The following COPS4 variants were observed in gnomAD, a reference collection of about 807,000 sequenced individuals.
The protein encoded by COPS4 is COP9 signalosome complex subunit 4.
COPS4 carries 8 observed loss-of-function variants against 55.1 expected under a neutral mutation model. The ratio of observed to expected loss-of-function variants is 0.15; its 90% CI spans 0.09 to 0.26. COPS4 has a LOEUF of 0.26. Ranked by LOEUF, COPS4 falls within the 10% of genes least tolerant of loss-of-function variation. COPS4 has a pLI of 1.00. For synonymous variants in COPS4, 185 were observed against 165.7 expected, an observed-to-expected ratio of 1.12 and a Z score of -0.90; for missense variants, 248 against 484.0, an observed-to-expected ratio of 0.51 and a Z score of 4.58.
At chr4:83,059,926 C>T (rs1010489241) in intron 6 of COPS4, among the ~76,000 whole-genome samples, 1 of 152,038 alleles carries the variant, frequency 6.6e-6, no homozygotes, top group Non-Finnish European at 1.5e-5. Flanking sequence ...TGGTCTCGAT[C>T]TCCTGACCTT....
rs554676483 is a variant in COPS4 at position 83,066,877 on chromosome 4, C to T, written c.1002+324C>T. Among the ~76,000 whole-genome samples, 57 of 152,232 alleles carry T rather than the reference C, an allele frequency of 3.7e-4. 1 individual carries two copies. Among genetic ancestry groups the T allele is most frequent in the African/African-American group, 1.3e-3 (56 of 41,538 alleles). Reference sequence around the variant, plus strand: ...TTCTGAGAATGTCTTTGTTTGGTGTCTGTTTAAATCCAACAAAGTACCAAT... The same window carrying T: ...TTCTGAGAATGTCTTTGTTTGGTGTTTGTTTAAATCCAACAAAGTACCAAT... On this transcript the variant is annotated intron_variant, in intron 8 of 9. Coordinates refer to ENST00000264389, the MANE Select transcript of COPS4 (RefSeq NM_016129.3).
In COPS4 at chr4:83,053,360, A is replaced by G. The variant is rs1167599963; in HGVS notation, c.410+3376A>G. On this transcript the variant is annotated intron_variant, in intron 4 of 9. Transcript: ENST00000264389. ...AGAGGGACAAGGGAGATGAGTACCTATGCGGTTCAATGATGATAAGTTATT... is the reference window on the plus strand; with the variant it reads ...AGAGGGACAAGGGAGATGAGTACCTGTGCGGTTCAATGATGATAAGTTATT... Among the ~76,000 whole-genome samples the G allele has an allele frequency of 3.3e-5, 5 of 152,192 alleles. No homozygotes were observed. In the East Asian group the frequency reaches 9.6e-4, roughly 29 times the overall value.
At chr4:83,049,022 A>C in intron 2 of COPS4, 144 bp from the exon 3 acceptor site, 1 of 670,146 alleles carries the variant, frequency 1.5e-6, no homozygotes, top group South Asian at 2.0e-5. Flanking sequence ...ATATAAAATG[A>C]TAGGGGTATG....
In COPS4 at chr4:83,065,971, C is replaced by G. The variant is rs550985624; in HGVS notation, c.887-467C>G. ...GGTGAGAACTGCCTGGCCAACATGA[C>G]GAAACCCTGTCCCTACTAAAAATAC... On this transcript the variant is annotated intron_variant, in intron 7 of 9. Coordinates refer to ENST00000264389, the MANE Select transcript of COPS4 (RefSeq NM_016129.3). 5.3e-5 allele frequency among the ~76,000 whole-genome samples: 8 copies of G among 152,244 alleles called. No homozygotes were observed. The East Asian group carries it at 1.5e-3, about 29-fold the overall frequency.
intron 6 of COPS4, among the ~76,000 whole-genome samples, chr4:83,062,423 A>G (rs141663139): frequency 9.2e-5 from 14 of 152,322 alleles, no homozygotes; most frequent in East Asian, 1.9e-4. Context: ...CTCAAAGTCA[A>G]TACTTGCAGC....
chr4:83,056,809 T>G, intron 4 of COPS4, 117 bp from the exon 5 acceptor site: 1 of 845,554 alleles, frequency 1.2e-6, no homozygotes. Flanking sequence ...AAAAAAAAAG[T>G]TTGATTCCCT....
intron 1 of COPS4, among the ~76,000 whole-genome samples, chr4:83,041,466 A>T (rs1188627740): frequency 6.6e-6 from 1 of 151,794 alleles, no homozygotes; most frequent in Non-Finnish European, 1.5e-5. Context: ...ATTATTATCT[A>T]CGAAGCCTTA....
chr4:83,059,385 C>T (rs1305088273), intron 6 of COPS4, among the ~76,000 whole-genome samples: 2 of 151,960 alleles, frequency 1.3e-5, no homozygotes, highest in African/African-American at 4.8e-5. Flanking sequence ...ACTTTAGGTT[C>T]TCAAATTTCT....
Position 83,048,808 on chromosome 4 carries a change from A to AT in COPS4, c.155-348dup, listed in dbSNP as rs1156883909. Among the ~76,000 whole-genome samples the AT allele has an allele frequency of 8.8e-3, 1,300 of 148,386 alleles. 16 individuals carry two copies. The highest frequency in any genetic ancestry group is 0.03 in the African/African-American group (1,201 of 40,508). On this transcript the variant is annotated intron_variant, in intron 2 of 9. Transcript: ENST00000264389. ...AGGTGCCCACCACCATGCCTGACTA[A>AT]TTTTTTTTTTGTATTTTTAGTAGAG...
At chr4:83,058,697 A>C (rs35041193) in intron 6 of COPS4, among the ~76,000 whole-genome samples, 3,197 of 152,278 alleles carry the variant, frequency 0.021, 49 homozygotes, top group Middle Eastern at 0.054. Context: ...TTGTAACTGT[A>C]TACATCATAG....
intron 4 of COPS4, among the ~76,000 whole-genome samples, chr4:83,055,932 C>CT (rs57000074): frequency 4.0e-5 from 4 of 100,570 alleles, no homozygotes; most frequent in East Asian, 2.7e-4. Context: ...TTTTCTTTTT[C>CT]TTTTTTTTTT....
chr4:83,053,733 G>T (rs1332140752), intron 4 of COPS4, among the ~76,000 whole-genome samples: 1 of 148,866 alleles, frequency 6.7e-6, no homozygotes. Context: ...CCAGCTACTG[G>T]GGAGGCTGAA....
Position 83,060,782 on chromosome 4 carries a change from C to T in COPS4, c.716-2294C>T, listed in dbSNP as rs532615981. The stretch of plus-strand genomic sequence containing the variant: ...AGGCACGGTGGCTCACGCCTGTAAT[C>T]CCAGCACTTTTGGGAGGCCGAGGTG... On this transcript the variant is annotated intron_variant, in intron 6 of 9. Coordinates refer to ENST00000264389, the MANE Select transcript of COPS4 (RefSeq NM_016129.3). 6.6e-5 allele frequency among the ~76,000 whole-genome samples: 10 copies of T among 151,740 alleles called. No individual in the cohort carries two copies. In the South Asian group the frequency reaches 2.1e-3, roughly 32 times the overall value.
intron 6 of COPS4, 38 bp downstream of exon 6, chr4:83,057,446 T>C (rs906864158): frequency 1.4e-5 from 21 of 1,499,846 alleles, no homozygotes; most frequent in Non-Finnish European, 1.9e-5. Context: ...TGAACAGTTA[T>C]CTTTGCTTAA....
chr4:83,065,449 G>T (rs906731738), intron 7 of COPS4, among the ~76,000 whole-genome samples: 2 of 152,152 alleles, frequency 1.3e-5, no homozygotes. Flanking sequence ...AGCAGATCGT[G>T]GGTGGAATTC....
chr4:83,061,139 T>C (rs1050047961), intron 6 of COPS4, among the ~76,000 whole-genome samples: 1 of 152,194 alleles, frequency 6.6e-6, no homozygotes, highest in Non-Finnish European at 1.5e-5. Flanking sequence ...CATGAACTTT[T>C]TTTTTCCTTT....
At chr4:83,074,624 G>A (rs375467024) in intron 9 of COPS4, among the ~76,000 whole-genome samples, 17 of 150,512 alleles carry the variant, frequency 1.1e-4, no homozygotes, top group East Asian at 7.8e-4. Context: ...CACCACGCCC[G>A]GCTAATTTTT....
At chr4:83,051,401 G>A (rs1306591783) in intron 4 of COPS4, among the ~76,000 whole-genome samples, 1 of 152,076 alleles carries the variant, frequency 6.6e-6, no homozygotes, top group African/African-American at 2.4e-5. Flanking sequence ...CTCCCACCTA[G>A]GGCACAAAGC....
chr4:83,050,127 G>A, intron 4 of COPS4, 143 bp downstream of exon 4: 1 of 534,808 alleles, frequency 1.9e-6, no homozygotes, highest in Non-Finnish European at 3.2e-6. Flanking sequence ...GATAAGTGCT[G>A]TGGAGAAAAG....
Sources: gnomAD v4.1 joint callset for allele counts (sites outside exome capture counted in the v4.1 genomes callset) on GRCh38, gnomAD v4.1.1 for gene constraint, MANE v1.5 for transcripts, NCBI Gene and HGNC (gene_info 2026-07-23, HGNC 2026-07-21) for gene names.